LAD1: variants seen among roughly 807,000 people sequenced by gnomAD.
The protein encoded by LAD1 is ladinin 1.
A neutral mutation model predicts 54.2 loss-of-function variants in LAD1; 53 were observed. That is an observed-to-expected ratio of 0.98 (90% CI 0.78 to 1.23). The LOEUF (loss-of-function observed/expected upper bound fraction) is 1.23. Among genes scored for constraint, LAD1 ranks in the 50% most tolerant of loss-of-function variants. The pLI is 0.00. For missense variants in LAD1, 637 were observed against 653.3 expected (o/e 0.98, Z 0.27); for synonymous variants, 231 against 257.7 (o/e 0.90, Z 0.99).
chr1:201,394,517 CAA>C (rs1471205992), intron 1 of LAD1, among the ~76,000 whole-genome samples: 1 of 152,230 alleles, frequency 6.6e-6, no homozygotes, highest in Non-Finnish European at 1.5e-5. Context: ...GGAACTTAAA[CAA>C]GATTCCCCTG....
chr1:201,381,601 C>T lies in LAD1; in HGVS notation c.*287G>A. ...AGGTCTCTGGGCAGGACATAGGCCC[C>T]ATAGTGCTGATGTGCACTTGTGCTG... On this transcript the variant is annotated 3_prime_UTR_variant, in exon 10 of 10. Transcript: ENST00000391967. The T allele has an allele frequency of 1.9e-6, 1 of 534,562 alleles. No homozygotes were observed. Among genetic ancestry groups the T allele is most frequent in the Non-Finnish European group, 3.4e-6 (1 of 295,740 alleles). The allele number at this position is 534,562 out of a possible 1,614,324, so 33.1% of individuals were successfully genotyped here.
Position 201,385,665 on chromosome 1 carries a change from C to T in LAD1, c.1131+36G>A, listed in dbSNP as rs369749930. 5 of 1,471,126 alleles carry T rather than the reference C, an allele frequency of 3.4e-6. 1 individual carries two copies. The South Asian group carries it at 5.7e-5, about 17-fold the overall frequency. 91.1% of individuals were successfully genotyped at this position (1,471,126 alleles called of 1,614,324 possible). ...ATGCGGGCTTCCTCCACTTGCCCTCCAGTGGCTCGCAGACCAGGGTGCCCA... is the reference window on the plus strand; with the variant it reads ...ATGCGGGCTTCCTCCACTTGCCCTCTAGTGGCTCGCAGACCAGGGTGCCCA... On this transcript the variant is annotated intron_variant, in intron 4 of 9. Transcript: ENST00000391967.
rs866325450 is a variant in LAD1, at chr1:201,381,447, G to A, written c.*441C>T. ...GCAGGCCCCAGGGACAAAGATGGGT[G>A]GGTCCAGGCCTCAGAGAAGGGGGAC... On this transcript the variant is annotated 3_prime_UTR_variant, in exon 10 of 10. Coordinates refer to ENST00000391967, the MANE Select transcript of LAD1 (RefSeq NM_005558.4). 2.4e-4 allele frequency: 48 copies of A among 204,188 alleles called. No individual in the cohort carries two copies. The highest frequency in any genetic ancestry group is 2.0e-3 in the Middle Eastern group (1 of 496). 12.6% of individuals were successfully genotyped at this position (204,188 alleles called of 1,614,324 possible).
chr1:201,382,171 G>T (rs2102354051), intron 9 of LAD1, 81 bp downstream of exon 9: 1 of 1,198,040 alleles, frequency 8.3e-7, no homozygotes, highest in South Asian at 1.2e-5. Context: ...GCCAATTAGT[G>T]TGTGCACACG....
intron 1 of LAD1, among the ~76,000 whole-genome samples, chr1:201,390,761 A>G (rs909627349): frequency 6.6e-6 from 1 of 152,034 alleles, no homozygotes; most frequent in African/African-American, 2.4e-5. Flanking sequence ...GGACAACCAA[A>G]ATGTTTCCTG....
chr1:201,382,977 T>G (rs895123840), intron 7 of LAD1, 97 bp downstream of exon 7: 1 of 1,419,510 alleles, frequency 7.0e-7, no homozygotes, highest in Non-Finnish European at 9.6e-7. Flanking sequence ...AATTGACACA[T>G]GAAAACAGTT....
chr1:201,395,582 C>A (rs1426754955), intron 1 of LAD1, among the ~76,000 whole-genome samples: 4 of 152,036 alleles, frequency 2.6e-5, no homozygotes, highest in African/African-American at 9.7e-5. Flanking sequence ...GGTGAAACCC[C>A]ATCTGTACTA....
Position 201,383,188 on chromosome 1 carries a change from C to T in LAD1, c.1272G>A (p.Arg424=), listed in dbSNP as rs759308805. Residue 424 remains arginine (R), a synonymous_variant, in exon 7 of 10, where the codon CGG becomes CGA. Transcript: ENST00000391967. ...CGAATAACTCAGTGCAAGGCAGACCCCGAGACTTGACAGATTCTGATCTCT... is the reference window on the plus strand; with the variant it reads ...CGAATAACTCAGTGCAAGGCAGACCTCGAGACTTGACAGATTCTGATCTCT... ...AIRRSESVKS[R]GLPCTELFVA... is the part of the protein sequence containing the mutation. 1.3e-5 allele frequency: 21 copies of T among 1,613,942 alleles called. 1 individual carries two copies. The South Asian group carries it at 2.3e-4, about 18-fold the overall frequency.
intron 2 of LAD1, 98 bp from the exon 3 acceptor site, chr1:201,387,276 G>T: frequency 7.5e-7 from 1 of 1,330,636 alleles, no homozygotes; most frequent in Middle Eastern, 2.6e-4. Flanking sequence ...CACCAAGGAG[G>T]AGGTGAGGAT....
chr1:201,389,306 G>C lies in LAD1; in HGVS notation c.39-3C>G, dbSNP rs952818219. 2.5e-6 allele frequency: 4 copies of C among 1,610,620 alleles called. No individual in the cohort carries two copies. The highest frequency in any genetic ancestry group is 2.2e-5 in the South Asian group (2 of 90,994). ...CCAGAGTCCTCTGCCGGGCAAGGCT[G>C]GGGGAGGGGAGGAGAGGGTCAGCAC... On this transcript the variant is annotated splice_region_variant and splice_polypyrimidine_tract_variant and intron_variant, in intron 1 of 9. Transcript: ENST00000391967.
At position 201,389,215 on chromosome 1, in the gene LAD1, C is replaced by A; in HGVS notation, c.127G>T (p.Asp43Tyr). 1.9e-6 allele frequency: 3 copies of A among 1,614,234 alleles called. No individual in the cohort carries two copies. Among genetic ancestry groups the A allele is most frequent in the Non-Finnish European group, 1.7e-6 (2 of 1,180,044 alleles). Residue 43 changes from aspartate to tyrosine, a missense_variant, in exon 2 of 10, where the codon GAT becomes TAT. Physicochemically the swap from Asp to Tyr is radical, Grantham distance 160 (BLOSUM62 -3). Transcript: ENST00000391967. ...TTCTGGCTGAGCCTGGGAGCCTCAT[C>A]GTCCGTGGTGGAGCTCAGGTTGCGG... ...RHRNLSSTTD[D>Y]EAPRLSQNGD...
intron 1 of LAD1, among the ~76,000 whole-genome samples, chr1:201,398,661 A>C (rs1662343795): frequency 6.6e-6 from 1 of 152,192 alleles, no homozygotes; most frequent in Non-Finnish European, 1.5e-5. Flanking sequence ...TTAGGAGACC[A>C]GTGTACAAGT....
intron 8 of LAD1, 152 bp downstream of exon 8, chr1:201,382,501 G>C: frequency 4.0e-6 from 3 of 747,182 alleles, no homozygotes; most frequent in Non-Finnish European, 6.8e-6. Context: ...ATCTATTCCC[G>C]ACTGCCTCCA....
chr1:201,382,952 G>A (rs72737636), intron 7 of LAD1, 122 bp downstream of exon 7: 55,572 of 1,239,972 alleles, frequency 0.045, 1,483 homozygotes, highest in Middle Eastern at 0.07. Flanking sequence ...CTCAAATGGA[G>A]GTTCTGCCAA....
At position 201,386,466 on chromosome 1, in the gene LAD1, C is replaced by G. The variant is rs1239437416; in HGVS notation, c.895G>C (p.Gly299Arg). The stretch of plus-strand genomic sequence containing the variant: ...TCCTTGGTGGTGGCTGGGCTTCCCC[C>G]AGAGGCTGGCGGCTCCTGCGCCAGG... ...QPLAQEPPAS[G>R]GSPATTKEQR... is the part of the protein sequence containing the mutation. The change falls in exon 3 of 10, where the codon GGG becomes CGG. Residue 299 changes from glycine (G) to arginine (R), a missense_variant. Coordinates refer to ENST00000391967, the MANE Select transcript of LAD1 (RefSeq NM_005558.4). The G allele has an allele frequency of 3.9e-6, 6 of 1,550,446 alleles. No individual in the cohort carries two copies. Among genetic ancestry groups the G allele is most frequent in the East Asian group, 2.2e-5 (1 of 44,516 alleles).
Position 201,392,485 on chromosome 1 carries a change from G to A in LAD1, c.39-3182C>T, listed in dbSNP as rs1349650741. 2.0e-5 allele frequency among the ~76,000 whole-genome samples: 3 copies of A among 152,216 alleles called. No individual in the cohort carries two copies. In the South Asian group the frequency reaches 6.2e-4, roughly 32 times the overall value. On this transcript the variant is annotated intron_variant, in intron 1 of 9. Transcript: ENST00000391967. ...GGTGGCTGGGTGGGAAAGCCCCCTC[G>A]GAGAGCCCTGGTTCATGAGGAGGAG...
At chr1:201,399,142 G>T in intron 1 of LAD1, 127 bp downstream of exon 1, 1 of 846,490 alleles carries the variant, frequency 1.2e-6, no homozygotes, top group Non-Finnish European at 1.9e-6. Flanking sequence ...CCCGCGAGTC[G>T]CAGCAAGACC....
At chr1:201,395,552 G>A (rs1662273738) in intron 1 of LAD1, among the ~76,000 whole-genome samples, 1 of 152,088 alleles carries the variant, frequency 6.6e-6, no homozygotes, top group South Asian at 2.1e-4. Flanking sequence ...GCAGGAGTTC[G>A]AGATCAGGCC....
At chr1:201,383,030 A>G in intron 7 of LAD1, 44 bp downstream of exon 7, 1 of 1,580,884 alleles carries the variant, frequency 6.3e-7, no homozygotes, top group Non-Finnish European at 8.6e-7. Context: ...TGGAGACGTC[A>G]GGGCTAATCA....
Sources: gnomAD v4.1 joint callset for allele counts (sites outside exome capture counted in the v4.1 genomes callset) on GRCh38, gnomAD v4.1.1 for gene constraint, MANE v1.5 for transcripts, NCBI Gene and HGNC (gene_info 2026-07-23, HGNC 2026-07-21) for gene names.